Variants in GPX6 observed in about 807,000 individuals in gnomAD.
The protein encoded by GPX6 is glutathione peroxidase 6 (olfactory).
GPX6 carries 21 observed loss-of-function variants against 20.0 expected under a neutral mutation model. The ratio of observed to expected loss-of-function variants is 1.05; its 90% CI spans 0.74 to 1.51. GPX6 has a LOEUF of 1.51. GPX6 is among the 40% of genes most tolerant of loss of function. The pLI is 0.00. For missense variants in GPX6, 233 were observed against 254.7 expected (o/e 0.91, Z 0.58); for synonymous variants, 75 against 98.0 (o/e 0.77, Z 1.38).
rs540227987 is a variant in GPX6 at position 28,508,668 on chromosome 6, G to A, written c.241+2083C>T. On this transcript the variant is annotated intron_variant, in intron 2 of 4. Coordinates refer to ENST00000361902, the MANE Select transcript of GPX6 (RefSeq NM_182701.1). ...TAAAAAAAAAAAAAATTAGCTGGGCGAGGTGATATGCACCTGTAGTCCCAG... is the reference window on the plus strand; with the variant it reads ...TAAAAAAAAAAAAAATTAGCTGGGCAAGGTGATATGCACCTGTAGTCCCAG... Among the ~76,000 whole-genome samples the A allele has an allele frequency of 2.0e-5, 3 of 152,050 alleles. No individual in the cohort carries two copies. The South Asian group carries it at 6.3e-4, about 32-fold the overall frequency.
At chr6:28,506,982 G>T (rs1234999452) in intron 2 of GPX6, among the ~76,000 whole-genome samples, 6 of 152,138 alleles carry the variant, frequency 3.9e-5, no homozygotes, top group Non-Finnish European at 8.8e-5. Context: ...CACCCTGGGA[G>T]TGGTAGAGAA....
chr6:28,510,882 G>C lies in GPX6; in HGVS notation c.110C>G (p.Thr37Arg), dbSNP rs748564626. Residue 37 changes from threonine (T) to arginine (R), a missense_variant, in exon 2 of 5, where the codon ACA becomes AGA. Transcript: ENST00000361902. The stretch of plus-strand genomic sequence containing the variant: ...GGCTCCATACTCATAGATGGTGCCT[G>C]TTACCCCTTTGTTGCAATCCACCTG... ...NRKVDCNKGV[T>R]GTIYEYGALT... 1 of 1,610,232 alleles carries C rather than the reference G, an allele frequency of 6.2e-7. No homozygotes were observed. Among genetic ancestry groups the C allele is most frequent in the Non-Finnish European group, 8.5e-7 (1 of 1,177,842 alleles).
intron 2 of GPX6, 119 bp from the exon 3 acceptor site, chr6:28,506,548 A>G: frequency 1.5e-6 from 1 of 681,804 alleles, no homozygotes; most frequent in Non-Finnish European, 2.7e-6. Context: ...GAAGGGAAAG[A>G]TTCAAGGTTA....
At chr6:28,510,656 G>T in intron 2 of GPX6, 95 bp downstream of exon 2, 3 of 1,242,602 alleles carry the variant, frequency 2.4e-6, no homozygotes, top group Non-Finnish European at 3.4e-6. Flanking sequence ...TTCTCCCATC[G>T]CATCCTCCAA....
chr6:28,515,727 T>C lies in GPX6; in HGVS notation c.17A>G (p.Gln6Arg). MFQQF[Q>R]ASCLVLFFLV... ...GAAAAACAGGACAAGACAGGAGGCC[T>C]GGAACTGCTGGAACATGGCTAGGAG... Residue 6 changes from glutamine (Q) to arginine (R), a missense_variant, in exon 1 of 5, where the codon CAG (glutamine) becomes CGG (arginine). Coordinates refer to ENST00000361902, the MANE Select transcript of GPX6 (RefSeq NM_182701.1). The C allele has an allele frequency of 1.2e-6, 2 of 1,613,746 alleles. No homozygotes were observed. Among genetic ancestry groups the C allele is most frequent in the South Asian group, 2.2e-5 (2 of 91,060 alleles).
chr6:28,509,513 G>C (rs35311954), intron 2 of GPX6, among the ~76,000 whole-genome samples: 1 of 152,160 alleles, frequency 6.6e-6, no homozygotes, highest in Non-Finnish European at 1.5e-5. Flanking sequence ...CAGCCTGGGC[G>C]ACAGAGCGAG....
At position 28,512,979 on chromosome 6, in the gene GPX6, G is replaced by C. The variant is rs375857591; in HGVS notation, c.88-2075C>G. 1.6e-4 allele frequency among the ~76,000 whole-genome samples: 25 copies of C among 152,090 alleles called. 1 individual carries two copies. Among genetic ancestry groups the C allele is most frequent in the African/African-American group, 4.3e-4 (18 of 41,476 alleles). On this transcript the variant is annotated intron_variant, in intron 1 of 4. Coordinates refer to ENST00000361902, the MANE Select transcript of GPX6 (RefSeq NM_182701.1). ...AGAAGGAACAAATTCTGGACACGCT[G>C]CCTTAAAGAACTGGGTTTCATTCTT...
At chr6:28,504,535 ATTTCTAC>A in intron 4 of GPX6, 37 bp from the exon 5 acceptor site, 1 of 1,560,764 alleles carries the variant, frequency 6.4e-7, no homozygotes, top group Non-Finnish European at 8.8e-7. Context: ...ATATACATTT[ATTTCTAC>A]TTTATTTCTA....
At chr6:28,514,437 C>T (rs1762987828) in intron 1 of GPX6, among the ~76,000 whole-genome samples, 1 of 152,234 alleles carries the variant, frequency 6.6e-6, no homozygotes, top group Non-Finnish European at 1.5e-5. Flanking sequence ...CCCAACCAGG[C>T]AGCAGTGGCT....
In GPX6 at chr6:28,510,807, T is replaced by C; in HGVS notation, c.185A>G (p.Lys62Arg). 1.2e-6 allele frequency: 2 copies of C among 1,614,190 alleles called. No homozygotes were observed. The highest frequency in any genetic ancestry group is 2.7e-5 in the African/African-American group (2 of 75,062). The change falls in exon 2 of 5, where the codon AAG (lysine) becomes AGG (arginine). Residue 62 changes from lysine to arginine, a missense_variant. Transcript: ENST00000361902. ...EYIQFKQFAG[K>R]HVLFVNVAAY... ...GGCCACATTGACAAACAGGACGTGC[T>C]TGCCTGCAAACTGCTTGAATTGGAT... is the stretch of plus-strand genomic sequence containing the variant.
chr6:28,513,743 T>G (rs546351967), intron 1 of GPX6, among the ~76,000 whole-genome samples: 1 of 152,196 alleles, frequency 6.6e-6, no homozygotes, highest in South Asian at 2.1e-4. Context: ...ATCATAGAAT[T>G]TTAGAGTAAT....
At position 28,510,851 on chromosome 6, in the gene GPX6, G is replaced by C. The variant is rs116771534; in HGVS notation, c.141C>G (p.Thr47=). ...ATTGGATGTACTCCTCGCCGTTGAGGGTGAGGGCTCCATACTCATAGATGG... is the reference window on the plus strand; with the variant it reads ...ATTGGATGTACTCCTCGCCGTTGAGCGTGAGGGCTCCATACTCATAGATGG... The part of the protein sequence containing the change: ...TGTIYEYGAL[T]LNGEEYIQFK... Residue 47 remains threonine, a synonymous_variant, in exon 2 of 5, where the codon ACC becomes ACG. Coordinates refer to ENST00000361902, the MANE Select transcript of GPX6 (RefSeq NM_182701.1). 3.8e-3 allele frequency: 6,115 copies of C among 1,614,004 alleles called. 53 individuals are homozygous for C. Among genetic ancestry groups the C allele is most frequent in the Middle Eastern group, 0.017 (105 of 6,062 alleles).
At chr6:28,506,225 G>C in intron 3 of GPX6, 87 bp downstream of exon 3, 1 of 816,048 alleles carries the variant, frequency 1.2e-6, no homozygotes, top group Non-Finnish European at 2.2e-6. Flanking sequence ...GCCTATCCCA[G>C]AAGTTTCCAG....
chr6:28,514,273 G>C (rs1489895418), intron 1 of GPX6, among the ~76,000 whole-genome samples: 2 of 152,170 alleles, frequency 1.3e-5, no homozygotes. Context: ...ATGAGATGCA[G>C]AATCCCACGA....
intron 2 of GPX6, among the ~76,000 whole-genome samples, chr6:28,509,687 T>G (rs993065190): frequency 2.0e-5 from 3 of 152,216 alleles, no homozygotes; most frequent in Non-Finnish European, 4.4e-5. Context: ...GTATAATTGA[T>G]CTAAAATTTT....
intron 2 of GPX6, among the ~76,000 whole-genome samples, chr6:28,507,836 TG>T (rs34475280): frequency 0.026 from 4,021 of 152,326 alleles, 100 homozygotes; most frequent in East Asian, 0.1. Flanking sequence ...CCCAAAGTGC[TG>T]GGATTACCTT....
In GPX6 at chr6:28,506,706, A is replaced by AACACACACACACACACACAC. The variant is rs56155284; in HGVS notation, c.242-297_242-278dup. Among the ~76,000 whole-genome samples, 678 of 145,156 alleles carry AACACACACACACACACACAC rather than the reference A, an allele frequency of 4.7e-3. 6 individuals are homozygous for AACACACACACACACACACAC. Among genetic ancestry groups the AACACACACACACACACACAC allele is most frequent in the African/African-American group, 0.013 (509 of 38,840 alleles). On this transcript the variant is annotated intron_variant, in intron 2 of 4. Transcript: ENST00000361902. The stretch of plus-strand genomic sequence containing the variant: ...ATGAGAACTCTTATTTTTTTTTTTA[A>AACACACACACACACACACAC]ACACACACACACACACACACACACA...
intron 1 of GPX6, among the ~76,000 whole-genome samples, chr6:28,511,342 G>A (rs1762868779): frequency 6.6e-6 from 1 of 152,188 alleles, no homozygotes; most frequent in South Asian, 2.1e-4. Flanking sequence ...CCAAAATCAG[G>A]CCCATAACTT....
chr6:28,509,676 A>G (rs993350912), intron 2 of GPX6, among the ~76,000 whole-genome samples: 2 of 152,272 alleles, frequency 1.3e-5, no homozygotes, highest in African/African-American at 2.4e-5. Context: ...ATCTATCTCT[A>G]GTATAATTGA....
Sources: allele counts gnomAD v4.1 joint callset (sites outside exome capture counted in the v4.1 genomes callset), GRCh38; gene constraint gnomAD v4.1.1; transcripts MANE v1.5; gene names NCBI Gene and HGNC (gene_info 2026-07-23, HGNC 2026-07-21).